The following CPXM2 variants were observed in gnomAD, a reference collection of about 807,000 sequenced individuals.
CPXM2 encodes the protein carboxypeptidase X, M14 family member 2.
CPXM2 carries 66 observed loss-of-function variants against 86.1 expected under a neutral mutation model. The ratio of observed to expected loss-of-function variants is 0.77; its 90% CI spans 0.63 to 0.94. The LOEUF (loss-of-function observed/expected upper bound fraction) is 0.94. Ranked by LOEUF, CPXM2 falls within the 40% of genes least tolerant of loss-of-function variation. CPXM2 has a pLI of 0.00. For synonymous variants in CPXM2, 388 were observed against 400.2 expected (o/e 0.97, Z 0.36); for missense variants, 948 against 1,026.3 (o/e 0.92, Z 1.04).
In CPXM2 at chr10:123,757,344, C is replaced by T. The variant is rs944271451; in HGVS notation, c.1786G>A (p.Asp596Asn). The T allele has an allele frequency of 1.1e-5, 17 of 1,613,284 alleles. No homozygotes were observed. The highest frequency in any genetic ancestry group is 1.4e-5 in the Non-Finnish European group (17 of 1,179,276). ...CAGTTTGTATGAAGGTAGCTGAAAT[C>T]GTTCAGACCTGCCAAGCCAACCGGA... ...SWHTVAGSLN[D>N]FSYLHTNCFE... The change falls in exon 12 of 14, where the codon GAT (aspartate) becomes AAT (asparagine). Residue 596 changes from aspartate to asparagine, a missense_variant. Asp to Asn is a conservative substitution (Grantham distance 23, BLOSUM62 1). Transcript: ENST00000241305.
intron 2 of CPXM2, among the ~76,000 whole-genome samples, chr10:123,906,439 C>T (rs58480269): frequency 0.11 from 16,055 of 152,154 alleles, 2,520 homozygotes; most frequent in African/African-American, 0.34. Flanking sequence ...CAGACAGCTA[C>T]GGGATCTTAA....
upstream of CPXM2, among the ~76,000 whole-genome samples, chr10:123,941,083 A>C (rs1263486135): frequency 3.9e-5 from 6 of 152,182 alleles, no homozygotes; most frequent in Admixed American, 3.9e-4. Context: ...AGGCAGGAGA[A>C]TGGCATGAAC....
chr10:123,814,316 A>G (rs1016265192), intron 4 of CPXM2, among the ~76,000 whole-genome samples: 21 of 152,114 alleles, frequency 1.4e-4, no homozygotes, highest in African/African-American at 4.8e-4. Context: ...ATGTGAAAAG[A>G]CCAGACTGGC....
intron 7 of CPXM2, among the ~76,000 whole-genome samples, chr10:123,771,891 CATT>C (rs1421552372): frequency 1.3e-5 from 2 of 152,292 alleles, no homozygotes; most frequent in African/African-American, 4.8e-5. Context: ...TGCCTTCCGC[CATT>C]ATTATAAGTT....
At chr10:123,906,112 C>T (rs1406884984) in intron 2 of CPXM2, among the ~76,000 whole-genome samples, 2 of 152,188 alleles carry the variant, frequency 1.3e-5, no homozygotes. Flanking sequence ...GAAAGCCTCC[C>T]CCTGTCTGCT....
At chr10:123,779,117 T>C (rs1846874561) in intron 7 of CPXM2, among the ~76,000 whole-genome samples, 1 of 152,214 alleles carries the variant, frequency 6.6e-6, no homozygotes, top group Non-Finnish European at 1.5e-5. Context: ...CTTTGAGCCA[T>C]GTTAATTTGC....
chr10:123,914,241 C>T, intron 2 of CPXM2: 1 of 367,366 alleles, frequency 2.7e-6, no homozygotes, highest in Non-Finnish European at 5.4e-6. Context: ...ACATCGAGCA[C>T]ATTAACCATG....
intron 2 of CPXM2, among the ~76,000 whole-genome samples, chr10:123,906,089 C>T (rs186507346): frequency 6.6e-6 from 1 of 152,170 alleles, no homozygotes; most frequent in Admixed American, 6.5e-5. Flanking sequence ...CAGGCATAGC[C>T]TTGCCAGCTC....
chr10:123,898,939 G>C (rs559445722), intron 2 of CPXM2, among the ~76,000 whole-genome samples: 2 of 152,002 alleles, frequency 1.3e-5, no homozygotes, highest in African/African-American at 4.8e-5. Context: ...TAGCGCAGAT[G>C]GGGGTTCACC....
At chr10:123,851,852 T>C (rs968508771) in intron 3 of CPXM2, among the ~76,000 whole-genome samples, 2 of 151,268 alleles carry the variant, frequency 1.3e-5, no homozygotes, top group Non-Finnish European at 2.9e-5. Context: ...ATATCCAGCA[T>C]GACTGTGTCT....
intron 7 of CPXM2, among the ~76,000 whole-genome samples, chr10:123,772,839 CCTGGTTGTGGTTATCACCTCT>C (rs1433528696): frequency 1.5e-4 from 22 of 151,564 alleles, no homozygotes; most frequent in African/African-American, 2.4e-5. Context: ...TTATCACCTC[CCTGGTTGTGGTTATCACCTCT>C]CTGGTTGTGG....
intron 3 of CPXM2, among the ~76,000 whole-genome samples, chr10:123,852,091 G>A (rs1327569582): frequency 6.6e-6 from 1 of 152,146 alleles, no homozygotes; most frequent in African/African-American, 2.4e-5. Context: ...CTTGATTTCA[G>A]ATTTCAAGCC....
intron 1 of CPXM2, among the ~76,000 whole-genome samples, chr10:123,882,144 A>G (rs1473534787): frequency 6.6e-6 from 1 of 152,256 alleles, no homozygotes; most frequent in African/African-American, 2.4e-5. Flanking sequence ...CAAGGGGCAC[A>G]TTGGGCCAAG....
chr10:123,863,941 C>G (rs1323222641), intron 2 of CPXM2, among the ~76,000 whole-genome samples: 1 of 152,146 alleles, frequency 6.6e-6, no homozygotes, highest in Admixed American at 6.5e-5. Flanking sequence ...ACCAGAGGGC[C>G]TTGTCAGAAT....
intron 3 of CPXM2, among the ~76,000 whole-genome samples, chr10:123,860,798 A>C (rs888599840): frequency 6.6e-6 from 1 of 152,198 alleles, no homozygotes; most frequent in South Asian, 2.1e-4. Flanking sequence ...CTCATAAAAC[A>C]TAAGAGATTG....
At chr10:123,871,606 T>A (rs7911897) in intron 2 of CPXM2, among the ~76,000 whole-genome samples, 6,148 of 152,322 alleles carry the variant, frequency 0.04, 168 homozygotes, top group East Asian at 0.11. Flanking sequence ...ATGTAAAAGG[T>A]AACTTTATCA....
chr10:123,773,269 G>A (rs1846695647), intron 7 of CPXM2, among the ~76,000 whole-genome samples: 2 of 136,798 alleles, frequency 1.5e-5, no homozygotes, highest in South Asian at 4.3e-4. Flanking sequence ...CCTGGTTGTG[G>A]TCATCACCTC....
chr10:123,910,904 G>A (rs1945482424), intron 2 of CPXM2, among the ~76,000 whole-genome samples: 1 of 152,170 alleles, frequency 6.6e-6, no homozygotes, highest in African/African-American at 2.4e-5. Context: ...GCTTGTGGCA[G>A]CATCACTGCA....
At chr10:123,776,501 A>T (rs940353063) in intron 7 of CPXM2, among the ~76,000 whole-genome samples, 1 of 152,246 alleles carries the variant, frequency 6.6e-6, no homozygotes, top group Non-Finnish European at 1.5e-5. Flanking sequence ...TGTTATGCGC[A>T]GTGACACTTG....
Sources: gnomAD v4.1 joint callset for allele counts (sites outside exome capture counted in the v4.1 genomes callset) on GRCh38, gnomAD v4.1.1 for gene constraint, MANE v1.5 for transcripts, NCBI Gene and HGNC (gene_info 2026-07-23, HGNC 2026-07-21) for gene names.